CIBAR2: variants seen among roughly 807,000 people sequenced by gnomAD.
CIBAR2 encodes CBY1 interacting BAR domain containing 2, also known as CBY1-interacting BAR domain-containing protein 2.
Under a neutral mutation model 36.2 loss-of-function variants are expected in CIBAR2, and 38 were observed. The observed-to-expected ratio is 1.05, with a 90% confidence interval of 0.81 to 1.38. CIBAR2 has a LOEUF of 1.38. CIBAR2 is among the 40% of genes most tolerant of loss of function. CIBAR2 has a pLI of 0.00. For missense variants in CIBAR2, 481 were observed against 383.4 expected, an observed-to-expected ratio of 1.25 and a Z score of -2.13; for synonymous variants, 182 against 149.5, an observed-to-expected ratio of 1.22 and a Z score of -1.58.
intron 6 of CIBAR2, among the ~76,000 whole-genome samples, chr16:85,103,044 G>T (rs1208106571): frequency 6.6e-6 from 1 of 152,084 alleles, no homozygotes; most frequent in Non-Finnish European, 1.5e-5. Context: ...TGGGATTACA[G>T]ATGTGTGCCA....
Position 85,098,586 on chromosome 16 carries a change from C to T in CIBAR2, c.*599G>A, listed in dbSNP as rs2144146497. On this transcript the variant is annotated 3_prime_UTR_variant, in exon 9 of 9. Coordinates refer to ENST00000539556, the MANE Select transcript of CIBAR2 (RefSeq NM_198491.3). ...GTTCTCTCTTATGGGGTCCCTGCCC[C>T]AGTGCCCTGAGGTCCTCCACGGGGG... The T allele has an allele frequency of 1.0e-6, 1 of 986,022 alleles. No individual in the cohort carries two copies. The highest frequency in any genetic ancestry group is 1.2e-6 in the Non-Finnish European group (1 of 830,032). The allele number at this position is 986,022 out of a possible 1,614,324, so 61.1% of individuals were successfully genotyped here. A position where few individuals can be genotyped will look rare whatever the true frequency, so the allele number is the denominator to read the frequency against.
chr16:85,099,566 G>C (rs1350461083), intron 8 of CIBAR2, among the ~76,000 whole-genome samples: 1 of 151,994 alleles, frequency 6.6e-6, no homozygotes, highest in East Asian at 1.9e-4. Flanking sequence ...ACCCATGGCA[G>C]CCACGGCAGG....
intron 2 of CIBAR2, among the ~76,000 whole-genome samples, chr16:85,109,928 G>A (rs1003305918): frequency 2.0e-5 from 3 of 152,138 alleles, no homozygotes; most frequent in African/African-American, 7.2e-5. Flanking sequence ...CCTTCCCGAG[G>A]CCCTCATAGG....
intron 1 of CIBAR2, among the ~76,000 whole-genome samples, chr16:85,110,727 CAG>C: frequency 1.2e-5 from 1 of 80,182 alleles, no homozygotes; most frequent in Non-Finnish European, 2.5e-5. Context: ...TTTTTGGAGA[CAG>C]AGTCTTGCTC....
At chr16:85,110,704 C>CTTTTTTTTTTTTT (rs746973381) in intron 1 of CIBAR2, among the ~76,000 whole-genome samples, 2 of 93,898 alleles carry the variant, frequency 2.1e-5, no homozygotes, top group African/African-American at 9.9e-5. Context: ...CAGACCTGGC[C>CTTTTTTTTTTTTT]TTTTTTTTTT....
chr16:85,104,571 C>T (rs955418579), intron 6 of CIBAR2, among the ~76,000 whole-genome samples: 1 of 152,148 alleles, frequency 6.6e-6, no homozygotes, highest in African/African-American at 2.4e-5. Context: ...CAAAAATTAG[C>T]TGGGCGTGGT....
At chr16:85,100,509 C>T (rs1008469308) in intron 7 of CIBAR2, among the ~76,000 whole-genome samples, 16 of 152,146 alleles carry the variant, frequency 1.1e-4, no homozygotes, top group Admixed American at 2.0e-4. Flanking sequence ...CAGCAGGATT[C>T]GAGATCCCCC....
intron 2 of CIBAR2, among the ~76,000 whole-genome samples, chr16:85,109,170 G>T (rs776926709): frequency 6.6e-6 from 1 of 152,036 alleles, no homozygotes; most frequent in Admixed American, 6.5e-5. Flanking sequence ...CAGCACTTTG[G>T]GTGGCCGAGG....
rs2073987053 is a variant in CIBAR2, at chr16:85,105,320, C to T, written c.537+7G>A. 7 of 1,601,700 alleles carry T rather than the reference C, an allele frequency of 4.4e-6. No individual in the cohort carries two copies. Among genetic ancestry groups the T allele is most frequent in the Non-Finnish European group, 6.0e-6 (7 of 1,170,936 alleles). On this transcript the variant is annotated splice_region_variant and intron_variant, in intron 6 of 8. Transcript: ENST00000539556. ...GGGCGCCTCCCATCCCGGCCAACCA[C>T]CCTCACCTGCAGGTCCTTGAGCTTC...
At chr16:85,101,767 T>C (rs1009904558) in intron 7 of CIBAR2, among the ~76,000 whole-genome samples, 2 of 152,008 alleles carry the variant, frequency 1.3e-5, no homozygotes, top group African/African-American at 4.8e-5. Context: ...CCTCCCGGGT[T>C]CAAGCGATTC....
Position 85,110,383 on chromosome 16 carries a change from G to T in CIBAR2, c.98C>A (p.Ala33Asp). 1.2e-6 allele frequency: 2 copies of T among 1,613,460 alleles called. No homozygotes were observed. The highest frequency in any genetic ancestry group is 4.5e-5 in the East Asian group (2 of 44,874). Residue 33 changes from alanine to aspartate, a missense_variant, in exon 2 of 9, where the codon GCC becomes GAC. Physicochemically the swap from Ala to Asp is moderately radical, Grantham distance 126. Coordinates refer to ENST00000539556, the MANE Select transcript of CIBAR2 (RefSeq NM_198491.3). ...KYFGQFCSLLAAYTRKTARLR... is the reference protein window; with the variant it reads ...KYFGQFCSLLDAYTRKTARLR... ...CCGGGCCGTCTTGCGCGTGTAGGCG[G>T]CCAGCAGCGAGCAGAACTGCCCAAA...
intron 7 of CIBAR2, among the ~76,000 whole-genome samples, chr16:85,100,555 G>T (rs1430393826): frequency 7.2e-6 from 1 of 139,046 alleles, no homozygotes; most frequent in Non-Finnish European, 1.5e-5. Flanking sequence ...GTGAGTGAAT[G>T]CGAGAGAGCC....
rs764416082 is a variant in CIBAR2, at chr16:85,100,231, C to T, written c.661G>A (p.Ala221Thr). 6 of 1,607,540 alleles carry T rather than the reference C, an allele frequency of 3.7e-6. No individual in the cohort carries two copies. In the South Asian group the frequency reaches 6.7e-5, roughly 18 times the overall value. Residue 221 changes from alanine (A) to threonine (T), a missense_variant, in exon 8 of 9, where the codon GCC (alanine) becomes ACC (threonine). Physicochemically the swap from Ala to Thr is moderately conservative, Grantham distance 58. Coordinates refer to ENST00000539556, the MANE Select transcript of CIBAR2 (RefSeq NM_198491.3). ...TGCCCATAAACTCCTTGCATCTTGG[C>T]TCTAAAATCCTGCCGGGGAGAGACC... The part of the protein sequence containing the change: ...DLERDLLDFR[A>T]KMQGVYGHYD...
rs1200057319 is a variant in CIBAR2 at position 85,111,692 on chromosome 16, A to G, written c.20+641T>C. Among the ~76,000 whole-genome samples, 4 of 152,310 alleles carry G rather than the reference A, an allele frequency of 2.6e-5. No homozygotes were observed. The South Asian group carries it at 6.2e-4, about 24-fold the overall frequency. On this transcript the variant is annotated intron_variant, in intron 1 of 8. Coordinates refer to ENST00000539556, the MANE Select transcript of CIBAR2 (RefSeq NM_198491.3). ...GAAACCCCGTCTCTACTAAAATACA[A>G]AAAATTAACCGGGCGTAATAGCACG...
At position 85,108,045 on chromosome 16, in the gene CIBAR2, T is replaced by C; in HGVS notation, c.310A>G (p.Ile104Val). Residue 104 changes from isoleucine to valine, a missense_variant, in exon 3 of 9, where the codon ATC (isoleucine) becomes GTC (valine). Ile to Val is a conservative substitution (Grantham distance 29, BLOSUM62 3). Transcript: ENST00000539556. ...VNPLKLYGAQ[I>V]KQTRAEIKKF... ...CCCCGGCTCACCCGTGTCTGCTTGA[T>C]CTGTGCCCCGTAGAGCTTCAGGGGG... 6.2e-7 allele frequency: 1 copy of C among 1,613,802 alleles called. No individual in the cohort carries two copies. Among genetic ancestry groups the C allele is most frequent in the Non-Finnish European group, 8.5e-7 (1 of 1,179,824 alleles).
intron 2 of CIBAR2, 52 bp downstream of exon 2, chr16:85,110,174 A>T: frequency 7.1e-7 from 1 of 1,416,956 alleles, no homozygotes; most frequent in Non-Finnish European, 9.6e-7. Flanking sequence ...TGACCTTGGC[A>T]TTGGAGCCTG....
intron 7 of CIBAR2, among the ~76,000 whole-genome samples, chr16:85,100,774 G>A (rs927219381): frequency 9.9e-5 from 15 of 152,280 alleles, no homozygotes; most frequent in Non-Finnish European, 1.5e-4. Flanking sequence ...AGTGCCGGGC[G>A]CGGTGGCTCA....
Position 85,105,332 on chromosome 16 carries a change from G to C in CIBAR2, c.532C>G (p.Leu178Val), listed in dbSNP as rs2073987214. 6.2e-7 allele frequency: 1 copy of C among 1,610,854 alleles called. No individual in the cohort carries two copies. Among genetic ancestry groups the C allele is most frequent in the African/African-American group, 1.3e-5 (1 of 75,028 alleles). The change falls in exon 6 of 9, where the codon CTG becomes GTG. Residue 178 changes from leucine (L) to valine (V), a missense_variant. Physicochemically the swap from Leu to Val is conservative, Grantham distance 32. Transcript: ENST00000539556. ...DGFQRQKLKDLQKFFCDFVTI... is the reference protein window; with the variant it reads ...DGFQRQKLKDVQKFFCDFVTI... ...TCCCGGCCAACCACCCTCACCTGCA[G>C]GTCCTTGAGCTTCTGCCTCTGGAAG... is the stretch of plus-strand genomic sequence containing the variant.
Position 85,099,320 on chromosome 16 carries a change from C to T in CIBAR2, c.780G>A (p.Arg260=), listed in dbSNP as rs1308029649. The T allele has an allele frequency of 1.2e-6, 2 of 1,603,662 alleles. No homozygotes were observed. Among genetic ancestry groups the T allele is most frequent in the Non-Finnish European group, 1.7e-6 (2 of 1,170,484 alleles). ...SQGTLQVQLS[R]ANEDPEHPHA... ...GAGGATGTTCAGGGTCTTCATTTGC[C>T]CTACTCAGCTGGACCTGCAGAGTTC... is the stretch of plus-strand genomic sequence containing the variant. Residue 260 remains arginine, a synonymous_variant, in exon 9 of 9, where the codon AGG becomes AGA. Transcript: ENST00000539556.
Sources: allele counts gnomAD v4.1 joint callset (sites outside exome capture counted in the v4.1 genomes callset), GRCh38; gene constraint gnomAD v4.1.1; transcripts MANE v1.5; gene names NCBI Gene and HGNC (gene_info 2026-07-23, HGNC 2026-07-21).